NSG2: variants seen among roughly 807,000 people sequenced by gnomAD.
NSG2 encodes neuronal vesicle trafficking-associated protein 2.
A neutral mutation model predicts 16.9 loss-of-function variants in NSG2; 4 were observed. That is an observed-to-expected ratio of 0.24 (90% confidence interval 0.12 to 0.54). NSG2 has a LOEUF of 0.54. NSG2 is among the 20% of genes least tolerant of loss of function. NSG2 has a pLI of 0.95. For missense variants in NSG2, 179 were observed against 221.1 expected, an observed-to-expected ratio of 0.81 and a Z score of 1.21; for synonymous variants, 98 against 88.7, an observed-to-expected ratio of 1.11 and a Z score of -0.59.
At chr5:174,101,857 A>G (rs1018925504) in intron 3 of NSG2, among the ~76,000 whole-genome samples, 3 of 152,140 alleles carry the variant, frequency 2.0e-5, no homozygotes, top group African/African-American at 4.8e-5. Flanking sequence ...TACTATTCAA[A>G]TAGGAGTTTC....
In NSG2 at chr5:174,060,503, T is replaced by G. The variant is rs13174745; in HGVS notation, c.130-3729T>G. 2.2e-3 allele frequency among the ~76,000 whole-genome samples: 338 copies of G among 152,294 alleles called. 4 individuals are homozygous for G. The highest frequency in any genetic ancestry group is 8.7e-3 in the South Asian group (42 of 4,826). On this transcript the variant is annotated intron_variant, in intron 2 of 4. Coordinates refer to ENST00000303177, the MANE Select transcript of NSG2 (RefSeq NM_015980.5). ...AGCCAAGAGATGATGGAAATAGACT[T>G]GGCAATGTGGGAAGGTGGACTAGTT...
At chr5:174,059,739 G>T (rs1044834629) in intron 2 of NSG2, among the ~76,000 whole-genome samples, 1 of 152,118 alleles carries the variant, frequency 6.6e-6, no homozygotes, top group South Asian at 2.1e-4. Flanking sequence ...GTTCCTCTTG[G>T]CTCTGCCCTT....
chr5:174,092,601 G>C (rs1760736263), intron 3 of NSG2, among the ~76,000 whole-genome samples: 1 of 152,164 alleles, frequency 6.6e-6, no homozygotes, highest in Non-Finnish European at 1.5e-5. Flanking sequence ...CATAAATCCT[G>C]CATAATTACA....
At chr5:174,099,826 C>A (rs1031691487) in intron 3 of NSG2, among the ~76,000 whole-genome samples, 3 of 152,132 alleles carry the variant, frequency 2.0e-5, no homozygotes, top group Admixed American at 1.3e-4. Context: ...GATGCCCCCG[C>A]CCCCAGGTTG....
rs548255247 is a variant in NSG2 at position 174,072,342 on chromosome 5, A to G, written c.213+8027A>G. 1.7e-3 allele frequency among the ~76,000 whole-genome samples: 263 copies of G among 152,076 alleles called. No homozygotes were observed. Among genetic ancestry groups the G allele is most frequent in the Non-Finnish European group, 3.1e-3 (210 of 67,962 alleles). On this transcript the variant is annotated intron_variant, in intron 3 of 4. Coordinates refer to ENST00000303177, the MANE Select transcript of NSG2 (RefSeq NM_015980.5). The surrounding 1 kb of genome is among the most constrained non-coding windows in gnomAD (Gnocchi z 4.0). ...CAGAAGCAGTGGCCCTTCCCTCATGATCCTGTCCATTGGATGTCTCCCTGC... is the reference window on the plus strand; with the variant it reads ...CAGAAGCAGTGGCCCTTCCCTCATGGTCCTGTCCATTGGATGTCTCCCTGC...
At chr5:174,091,342 C>CT (rs1217822387) in intron 3 of NSG2, 1 of 152,422 alleles carries the variant, frequency 6.6e-6, no homozygotes, top group African/African-American at 2.4e-5. Flanking sequence ...CCGAGTTCAC[C>CT]TGTGTGCCCT....
intron 3 of NSG2, among the ~76,000 whole-genome samples, chr5:174,098,540 A>G (rs778879500): frequency 7.9e-5 from 12 of 151,918 alleles, no homozygotes; most frequent in Non-Finnish European, 1.3e-4. Context: ...GAATGCTGCA[A>G]TGCTCTGGCC....
intron 3 of NSG2, among the ~76,000 whole-genome samples, chr5:174,067,992 G>A: frequency 6.6e-6 from 1 of 152,122 alleles, no homozygotes; most frequent in East Asian, 1.9e-4. Context: ...GGAACTAATA[G>A]GTTTGGAGCT....
At position 174,089,314 on chromosome 5, in the gene NSG2, C is replaced by T. The variant is rs77898251; in HGVS notation, c.214-14914C>T. Among the ~76,000 whole-genome samples the T allele has an allele frequency of 5.7e-3, 872 of 152,300 alleles. 52 individuals carry two copies. In the East Asian group the frequency reaches 0.14, roughly 24 times the overall value. ...ATTCCTGTCCTGTTGTGCCCACCTT[C>T]GCCCCAAAGAGGGATCTCATCCTGC... On this transcript the variant is annotated intron_variant, in intron 3 of 4. Transcript: ENST00000303177.
intron 3 of NSG2, among the ~76,000 whole-genome samples, 168 bp from the exon 4 acceptor site, chr5:174,104,060 G>A (rs922325009): frequency 7.2e-5 from 11 of 151,804 alleles, no homozygotes; most frequent in African/African-American, 2.4e-4. Context: ...GGGGAAAGAG[G>A]CCCAAAGACT....
In NSG2 at chr5:174,072,834, A is replaced by G. The variant is rs1242532597; in HGVS notation, c.213+8519A>G. 6.6e-6 allele frequency among the ~76,000 whole-genome samples: 1 copy of G among 152,104 alleles called. No homozygotes were observed. Among genetic ancestry groups the G allele is most frequent in the African/African-American group, 2.4e-5 (1 of 41,400 alleles). ...CCCCATCTCTACAAAAAATGCAAAA[A>G]ATTAACTGGATGTGGTTATGCATGC... On this transcript the variant is annotated intron_variant, in intron 3 of 4. Transcript: ENST00000303177. The surrounding 1 kb of genome is among the most constrained non-coding windows in gnomAD (Gnocchi z 4.0).
chr5:174,054,708 C>A (rs1759940503), intron 2 of NSG2, among the ~76,000 whole-genome samples: 1 of 152,148 alleles, frequency 6.6e-6, no homozygotes, highest in Admixed American at 6.5e-5. Flanking sequence ...AAAATCACCC[C>A]CATTTCACAG....
rs1219163045 is a variant in NSG2, at chr5:174,107,188, G to A, written c.325-126G>A. The A allele has an allele frequency of 1.0e-5, 8 of 775,418 alleles. No homozygotes were observed. The highest frequency in any genetic ancestry group is 1.6e-5 in the Non-Finnish European group (8 of 493,902). The allele number at this position is 775,418 out of a possible 1,614,324, so 48.0% of individuals were successfully genotyped here. A position where few individuals can be genotyped will look rare whatever the true frequency, so the allele number is the denominator to read the frequency against. On this transcript the variant is annotated intron_variant, in intron 4 of 4. Coordinates refer to ENST00000303177, the MANE Select transcript of NSG2 (RefSeq NM_015980.5). The surrounding 1 kb of genome is among the most constrained non-coding windows in gnomAD (Gnocchi z 4.5). ...GCTGCTGCGTGCCAGGCCCAGGTCA[G>A]GAGCTGTCACCTGCCCTCTGGCTGA... is the stretch of plus-strand genomic sequence containing the variant.
chr5:174,100,106 G>T (rs1363000309), intron 3 of NSG2, among the ~76,000 whole-genome samples: 1 of 152,220 alleles, frequency 6.6e-6, no homozygotes, highest in African/African-American at 2.4e-5. Flanking sequence ...CCTAATTCTG[G>T]GGTCATGGAG....
intron 2 of NSG2, among the ~76,000 whole-genome samples, chr5:174,060,169 T>C (rs1406586974): frequency 1.3e-5 from 2 of 152,170 alleles, no homozygotes; most frequent in African/African-American, 4.8e-5. Flanking sequence ...AAAAATGATA[T>C]TGCCTGTAAT....
intron 3 of NSG2, among the ~76,000 whole-genome samples, chr5:174,095,964 C>T (rs773177249): frequency 2.0e-5 from 3 of 152,190 alleles, no homozygotes; most frequent in Non-Finnish European, 2.9e-5. Flanking sequence ...GGCTAAGAGC[C>T]CAGGCCACAC....
At chr5:174,055,085 G>T (rs1759946608) in intron 2 of NSG2, among the ~76,000 whole-genome samples, 1 of 152,182 alleles carries the variant, frequency 6.6e-6, no homozygotes, top group Admixed American at 6.5e-5. Context: ...GTTTCCGGAG[G>T]TCACAGGGCT....
At chr5:174,079,150 G>C (rs1053771199) in intron 3 of NSG2, among the ~76,000 whole-genome samples, 1 of 152,014 alleles carries the variant, frequency 6.6e-6, no homozygotes, top group Non-Finnish European at 1.5e-5. Flanking sequence ...GCTCCTCCCC[G>C]TGTGCTGGCA....
At chr5:174,068,634 G>C (rs966662373) in intron 3 of NSG2, among the ~76,000 whole-genome samples, 1 of 151,624 alleles carries the variant, frequency 6.6e-6, no homozygotes, top group African/African-American at 2.4e-5. Flanking sequence ...CTGGTGCTAT[G>C]GAAGGTGCTG....
Sources: allele counts gnomAD v4.1 joint callset (sites outside exome capture counted in the v4.1 genomes callset), GRCh38; gene constraint gnomAD v4.1.1; non-coding constraint Gnocchi (gnomAD v3.1); transcripts MANE v1.5; gene names NCBI Gene and HGNC (gene_info 2026-07-23, HGNC 2026-07-21).